The following CNTNAP2 variants were observed in gnomAD, a reference collection of about 807,000 sequenced individuals.
CNTNAP2 encodes contactin-associated protein-like 2.
CNTNAP2 carries 98 observed loss-of-function variants against 155.2 expected under a neutral mutation model. The observed-to-expected ratio is 0.63, with a 90% CI of 0.54 to 0.75. The LOEUF is 0.75. Among genes scored for constraint, CNTNAP2 ranks in the 30% least tolerant of loss-of-function variants. The pLI, the probability that CNTNAP2 is intolerant of heterozygous loss-of-function variation, is 0.00. For missense variants in CNTNAP2, 1,727 were observed against 1,688.1 expected, an observed-to-expected ratio of 1.02 and a Z score of -0.40; for synonymous variants, 651 against 631.2, an observed-to-expected ratio of 1.03 and a Z score of -0.47.
intron 10 of CNTNAP2, among the ~76,000 whole-genome samples, chr7:147,453,637 C>A (rs1017663365): frequency 7.2e-5 from 11 of 152,148 alleles, no homozygotes. Context: ...CAGTAACACT[C>A]GTGTAAGTGA....
intron 1 of CNTNAP2, among the ~76,000 whole-genome samples, chr7:146,588,026 G>GTGTA (rs1340756608): frequency 6.6e-6 from 1 of 151,752 alleles, no homozygotes; most frequent in Non-Finnish European, 1.5e-5. Flanking sequence ...GTGTGTGTGT[G>GTGTA]TGTGTGTAAA....
At chr7:146,460,925 A>C (rs1385885762) in intron 1 of CNTNAP2, among the ~76,000 whole-genome samples, 1 of 152,154 alleles carries the variant, frequency 6.6e-6, no homozygotes, top group Non-Finnish European at 1.5e-5. Context: ...TATACTTTAA[A>C]ATAATATGTA....
In CNTNAP2 at chr7:147,786,640, G is replaced by A. The variant is rs1456352782; in HGVS notation, c.2099-116925G>A. The stretch of plus-strand genomic sequence containing the variant: ...GAAGACTTGCAAGGGAGATATTTGA[G>A]AGAACTCTTAAGATTTTTGGAATGG... On this transcript the variant is annotated intron_variant, in intron 13 of 23. Coordinates refer to ENST00000361727, the MANE Select transcript of CNTNAP2 (RefSeq NM_014141.6). Among the ~76,000 whole-genome samples, 7 of 152,124 alleles carry A rather than the reference G, an allele frequency of 4.6e-5. No individual in the cohort carries two copies. In the East Asian group the frequency reaches 1.4e-3, roughly 29 times the overall value.
At chr7:147,933,777 C>T (rs979193070) in intron 14 of CNTNAP2, among the ~76,000 whole-genome samples, 2 of 152,022 alleles carry the variant, frequency 1.3e-5, no homozygotes, top group East Asian at 1.9e-4. Context: ...GTGGGAGAAT[C>T]GATTGAATCC....
intron 1 of CNTNAP2, among the ~76,000 whole-genome samples, chr7:146,746,338 T>A (rs1220113032): frequency 6.6e-6 from 1 of 152,190 alleles, no homozygotes; most frequent in East Asian, 1.9e-4. Flanking sequence ...GTGATATTAA[T>A]TAAAGCATGA....
intron 13 of CNTNAP2, among the ~76,000 whole-genome samples, chr7:147,657,594 A>T (rs1288256409): frequency 6.6e-6 from 1 of 152,200 alleles, no homozygotes; most frequent in Non-Finnish European, 1.5e-5. Context: ...AGTAAGATAT[A>T]TAAAATATGT....
chr7:146,832,551 CTA>C (rs955268610), intron 2 of CNTNAP2, among the ~76,000 whole-genome samples: 2 of 147,174 alleles, frequency 1.4e-5, no homozygotes, highest in Admixed American at 6.8e-5. Flanking sequence ...ATACATTATA[CTA>C]TGTTTAGATA....
chr7:146,403,086 A>G (rs1487344145), intron 1 of CNTNAP2, among the ~76,000 whole-genome samples: 2 of 152,166 alleles, frequency 1.3e-5, no homozygotes, highest in African/African-American at 4.8e-5. Context: ...ATTGATACTC[A>G]AACTTGTCAT....
At chr7:146,614,552 A>G (rs916757656) in intron 1 of CNTNAP2, among the ~76,000 whole-genome samples, 2 of 152,192 alleles carry the variant, frequency 1.3e-5, no homozygotes, top group African/African-American at 4.8e-5. Flanking sequence ...GGCCACAATC[A>G]TGTCTGCTGG....
At chr7:148,380,502 A>AT (rs1308614415) in intron 21 of CNTNAP2, among the ~76,000 whole-genome samples, 1 of 152,158 alleles carries the variant, frequency 6.6e-6, no homozygotes, top group Non-Finnish European at 1.5e-5. Flanking sequence ...AACCATTTAC[A>AT]TTTTTTCTGA....
intron 9 of CNTNAP2, among the ~76,000 whole-genome samples, chr7:147,353,148 T>C (rs1033668207): frequency 6.6e-6 from 1 of 151,722 alleles, no homozygotes; most frequent in Non-Finnish European, 1.5e-5. Flanking sequence ...TATATGTACA[T>C]ATATATATGT....
In CNTNAP2 at chr7:146,815,336, T is replaced by C. The variant is rs1803144992; in HGVS notation, c.209-24375T>C. Reference sequence around the variant, plus strand: ...TAGCTTATATGTATGATGTTTAATCTTACTTTAGACTCTAAATAACTGTGT... The same window carrying C: ...TAGCTTATATGTATGATGTTTAATCCTACTTTAGACTCTAAATAACTGTGT... On this transcript the variant is annotated intron_variant, in intron 2 of 23. Transcript: ENST00000361727. 2.6e-5 allele frequency among the ~76,000 whole-genome samples: 4 copies of C among 152,150 alleles called. No homozygotes were observed. In the South Asian group the frequency reaches 8.3e-4, roughly 32 times the overall value.
At chr7:147,541,380 G>A (rs914979096) in intron 11 of CNTNAP2, among the ~76,000 whole-genome samples, 1 of 152,162 alleles carries the variant, frequency 6.6e-6, no homozygotes, top group Non-Finnish European at 1.5e-5. Flanking sequence ...GGATTACTGT[G>A]ACAAACAGAA....
chr7:147,577,074 C>G (rs552767960), intron 12 of CNTNAP2, among the ~76,000 whole-genome samples: 13 of 152,066 alleles, frequency 8.5e-5, no homozygotes, highest in Non-Finnish European at 1.6e-4. Context: ...CAACATAAAG[C>G]AGTCAGTTTG....
At chr7:147,915,473 C>T (rs1277924121) in intron 14 of CNTNAP2, among the ~76,000 whole-genome samples, 1 of 152,118 alleles carries the variant, frequency 6.6e-6, no homozygotes, top group Non-Finnish European at 1.5e-5. Flanking sequence ...ATGAGGAGTA[C>T]TGGTATCAGT....
At chr7:146,454,050 G>T (rs1796520441) in intron 1 of CNTNAP2, among the ~76,000 whole-genome samples, 1 of 151,972 alleles carries the variant, frequency 6.6e-6, no homozygotes, top group Non-Finnish European at 1.5e-5. Context: ...CAAAAAAATG[G>T]AAAAAGCTAA....
rs546331528 is a variant in CNTNAP2, at chr7:147,353,724, C to T, written c.1499-41885C>T. ...CTAGATCCTTGAGGAATGGCCACAC[C>T]GTCTTCCACAATGGTTGAACTAATT... On this transcript the variant is annotated intron_variant, in intron 9 of 23. Coordinates refer to ENST00000361727, the MANE Select transcript of CNTNAP2 (RefSeq NM_014141.6). 6.6e-5 allele frequency among the ~76,000 whole-genome samples: 10 copies of T among 152,050 alleles called. No individual in the cohort carries two copies. In the South Asian group the frequency reaches 1.0e-3, roughly 16 times the overall value.
chr7:148,007,157 G>C (rs1461077108), intron 15 of CNTNAP2, among the ~76,000 whole-genome samples: 2 of 152,132 alleles, frequency 1.3e-5, no homozygotes, highest in African/African-American at 4.8e-5. Flanking sequence ...TGTCTTATGA[G>C]TTTATTGATG....
At chr7:148,067,119 T>C (rs1803280486) in intron 15 of CNTNAP2, among the ~76,000 whole-genome samples, 1 of 152,226 alleles carries the variant, frequency 6.6e-6, no homozygotes, top group African/African-American at 2.4e-5. Context: ...AGATTTCTTA[T>C]TGGTTTGAAC....
Sources: allele counts gnomAD v4.1 joint callset (sites outside exome capture counted in the v4.1 genomes callset), GRCh38; gene constraint gnomAD v4.1.1; transcripts MANE v1.5; gene names NCBI Gene and HGNC (gene_info 2026-07-23, HGNC 2026-07-21).